Variants in FAT1 observed in about 807,000 individuals in gnomAD.
The protein encoded by FAT1 is protocadherin Fat 1.
Under a neutral mutation model 329.8 loss-of-function variants are expected in FAT1, and 171 were observed. That is an observed-to-expected ratio of 0.52 (90% CI 0.46 to 0.59). The LOEUF (loss-of-function observed/expected upper bound fraction) is 0.59. Ranked by LOEUF, FAT1 falls within the 20% of genes least tolerant of loss-of-function variation. FAT1 has a pLI of 0.00. For missense variants in FAT1, 5,672 were observed against 5,774.4 expected (o/e 0.98, Z 0.57); for synonymous variants, 2,233 against 2,228.6 (o/e 1.00, Z -0.06).
chr4:186,587,822 G>T lies in FAT1; in HGVS notation c.*770C>A, dbSNP rs150494770. ...TTTATTAATAATTTATTGTCAGTAA[G>T]AAAGACTGGCTAATGGTAGTTTTCA... On this transcript the variant is annotated 3_prime_UTR_variant, in exon 27 of 27. Coordinates refer to ENST00000441802, the MANE Select transcript of FAT1 (RefSeq NM_005245.4). The T allele has an allele frequency of 2.8e-3, 577 of 203,746 alleles. 5 individuals carry two copies. Among genetic ancestry groups the T allele is most frequent in the African/African-American group, 0.012 (538 of 43,728 alleles). The allele number at this position is 203,746 out of a possible 1,614,324, so 12.6% of individuals were successfully genotyped here.
chr4:186,724,567 CA>C, upstream of FAT1, among the ~76,000 whole-genome samples: 2 of 152,298 alleles, frequency 1.3e-5, no homozygotes, highest in Middle Eastern at 6.8e-3. This position sits in a 1 kb window ranked among gnomAD's most constrained non-coding sequence, Gnocchi z 5.3. Flanking sequence ...CCAGGGGCCC[CA>C]AAGCGTGACC....
intron 2 of FAT1, 22 bp from the exon 3 acceptor site, chr4:186,663,635 G>T: frequency 6.4e-7 from 1 of 1,570,794 alleles, no homozygotes; most frequent in Non-Finnish European, 8.6e-7. Flanking sequence ...AAAGAAAAGC[G>T]TAAAGCAGCA....
intron 2 of FAT1, among the ~76,000 whole-genome samples, chr4:186,670,411 C>T (rs926020003): frequency 3.9e-5 from 6 of 152,112 alleles, no homozygotes; most frequent in Non-Finnish European, 5.9e-5. Flanking sequence ...CTCTTTTCTC[C>T]AATTCAATAC....
intron 26 of FAT1, chr4:186,590,514 A>G (rs971725185): frequency 2.8e-5 from 17 of 610,538 alleles, no homozygotes; most frequent in African/African-American, 2.3e-4. Context: ...CAGAGGCCCA[A>G]TCAGCCATAC....
chr4:186,713,233 G>C (rs911214493), intron 1 of FAT1, among the ~76,000 whole-genome samples: 8 of 151,886 alleles, frequency 5.3e-5, no homozygotes, highest in Non-Finnish European at 8.8e-5. Context: ...GTCTCCTAAG[G>C]CTCCTCTGGA....
intron 1 of FAT1, among the ~76,000 whole-genome samples, chr4:186,710,809 A>AAT (rs1744914248): frequency 6.6e-6 from 1 of 152,200 alleles, no homozygotes; most frequent in Non-Finnish European, 1.5e-5. Flanking sequence ...TCAGTCTATT[A>AAT]ATACATGGTG....
intron 3 of FAT1, among the ~76,000 whole-genome samples, chr4:186,645,977 A>ACC (rs1741364712): frequency 6.9e-6 from 1 of 145,422 alleles, no homozygotes; most frequent in Non-Finnish European, 1.5e-5. Flanking sequence ...ATACACACAC[A>ACC]CACACACACA....
At chr4:186,666,134 A>T (rs756388840) in intron 2 of FAT1, among the ~76,000 whole-genome samples, 13 of 151,910 alleles carry the variant, frequency 8.6e-5, no homozygotes, top group African/African-American at 3.1e-4. Flanking sequence ...ATGTATACAT[A>T]TGTAACAAAC....
At chr4:186,682,510 G>A (rs1743264435) in intron 2 of FAT1, among the ~76,000 whole-genome samples, 1 of 104,544 alleles carries the variant, frequency 9.6e-6, no homozygotes, top group Admixed American at 1.0e-4. Flanking sequence ...CTGAGTGAAA[G>A]AGCGAGACTC....
chr4:186,636,267 A>G, intron 5 of FAT1, 32 bp from the exon 6 acceptor site: 19 of 1,594,238 alleles, frequency 1.2e-5, no homozygotes, highest in Non-Finnish European at 1.5e-5. Flanking sequence ...GATTAAAAAC[A>G]GCAAATCAGG....
At chr4:186,594,143 G>A (rs1189115758) in intron 26 of FAT1, among the ~76,000 whole-genome samples, 7 of 151,842 alleles carry the variant, frequency 4.6e-5, no homozygotes, top group Non-Finnish European at 1.5e-5. Flanking sequence ...TCAGCTCACT[G>A]CAAGCTACAA....
At chr4:186,605,737 G>A (rs528029562) in intron 17 of FAT1, among the ~76,000 whole-genome samples, 3 of 148,718 alleles carry the variant, frequency 2.0e-5, no homozygotes, top group African/African-American at 7.4e-5. Flanking sequence ...AAGGATTGGG[G>A]GCTAGAAGAA....
At chr4:186,659,277 G>A (rs1461314258) in intron 3 of FAT1, among the ~76,000 whole-genome samples, 2 of 152,156 alleles carry the variant, frequency 1.3e-5, no homozygotes, top group African/African-American at 4.8e-5. Flanking sequence ...ATCGCCTGAT[G>A]ACACGTTTCT....
At chr4:186,658,977 G>A (rs1252677645) in intron 3 of FAT1, among the ~76,000 whole-genome samples, 1 of 152,180 alleles carries the variant, frequency 6.6e-6, no homozygotes, top group Non-Finnish European at 1.5e-5. Flanking sequence ...AATAAACACG[G>A]CCACGCACTG....
chr4:186,726,274 G>C (rs1745716932), upstream of FAT1: 1 of 152,262 alleles, frequency 6.6e-6, no homozygotes, highest in Admixed American at 6.5e-5. Context: ...CACTCGCTTA[G>C]AGCCACACAC....
At chr4:186,597,277 T>G in intron 24 of FAT1, 106 bp from the exon 25 acceptor site, 1 of 1,245,562 alleles carries the variant, frequency 8.0e-7, no homozygotes, top group Non-Finnish European at 1.1e-6. Flanking sequence ...ATGAGCTATG[T>G]GAAGATCAAA....
At chr4:186,614,609 G>T (rs1010462079) in intron 11 of FAT1, among the ~76,000 whole-genome samples, 8 of 152,182 alleles carry the variant, frequency 5.3e-5, no homozygotes, top group Non-Finnish European at 1.2e-4. Flanking sequence ...GCTATTATAT[G>T]TTATTAAGCT....
rs199844927 is a variant in FAT1 at position 186,708,893 on chromosome 4, C to T, written c.935G>A (p.Ser312Asn). Reference protein sequence around the residue: ...QFRTVRSFPGSKEYKVKAIGG... With the variant: ...QFRTVRSFPGNKEYKVKAIGG... ...GATGGCTTTGACTTTATACTCCTTACTCCCTGGAAAGGACCTCACTGTTCT... is the reference window on the plus strand; with the variant it reads ...GATGGCTTTGACTTTATACTCCTTATTCCCTGGAAAGGACCTCACTGTTCT... The change falls in exon 2 of 27, where the codon AGT becomes AAT. Residue 312 changes from serine (S) to asparagine (N), a missense_variant. Coordinates refer to ENST00000441802, the MANE Select transcript of FAT1 (RefSeq NM_005245.4). 6.8e-6 allele frequency: 11 copies of T among 1,613,880 alleles called. No homozygotes were observed. Among genetic ancestry groups the T allele is most frequent in the South Asian group, 1.1e-5 (1 of 91,076 alleles).
chr4:186,609,545 T>C (rs1014106199), intron 15 of FAT1, among the ~76,000 whole-genome samples: 2 of 152,034 alleles, frequency 1.3e-5, no homozygotes, highest in Non-Finnish European at 2.9e-5. Context: ...GCCTCCCGAG[T>C]AGCTGGGACT....
Sources: allele counts gnomAD v4.1 joint callset (sites outside exome capture counted in the v4.1 genomes callset), GRCh38; gene constraint gnomAD v4.1.1; non-coding constraint Gnocchi (gnomAD v3.1); transcripts MANE v1.5; gene names NCBI Gene and HGNC (gene_info 2026-07-23, HGNC 2026-07-21).